Variants in FBXO4 observed in about 807,000 individuals in gnomAD.
FBXO4 encodes F-box only protein 4.
FBXO4 carries 36 observed loss-of-function variants against 43.7 expected under a neutral mutation model. The ratio of observed to expected loss-of-function variants is 0.82; its 90% CI spans 0.63 to 1.09. The LOEUF (loss-of-function observed/expected upper bound fraction) is 1.09. Among genes scored for constraint, FBXO4 ranks in the 50% least tolerant of loss-of-function variants. The pLI is 0.00. For missense variants in FBXO4, 435 were observed against 474.1 expected (o/e 0.92, Z 0.77); for synonymous variants, 180 against 165.6 (o/e 1.09, Z -0.67).
chr5:41,926,263 C>G (rs1331305153), intron 1 of FBXO4, among the ~76,000 whole-genome samples: 1 of 152,130 alleles, frequency 6.6e-6, no homozygotes, highest in African/African-American at 2.4e-5. Flanking sequence ...TTAATAGATT[C>G]TGTAGAGGAA....
chr5:41,979,656 G>T, the FBXO4 span, among the ~76,000 whole-genome samples: 3 of 152,184 alleles, frequency 2.0e-5, no homozygotes, highest in African/African-American at 7.2e-5. Context: ...GCAAGTTGGT[G>T]CCAGCATACC....
At chr5:41,979,291 T>C in the FBXO4 span, among the ~76,000 whole-genome samples, 1 of 152,222 alleles carries the variant, frequency 6.6e-6, no homozygotes. Flanking sequence ...AGAGGTCTTA[T>C]TGCTTCTCAT....
At chr5:41,939,657 C>T (rs1394250069) in intron 6 of FBXO4, 41 bp downstream of exon 6, 1 of 1,480,766 alleles carries the variant, frequency 6.8e-7, no homozygotes, top group South Asian at 1.3e-5. Context: ...TTTTATTTTG[C>T]ACTCTATTTT....
chr5:41,944,524 G>T (rs1347164530), downstream of FBXO4, among the ~76,000 whole-genome samples: 1 of 152,132 alleles, frequency 6.6e-6, no homozygotes, highest in African/African-American at 2.4e-5. Flanking sequence ...TTACCATCAT[G>T]ATGAATTACA....
chr5:41,943,723 C>G (rs2112592518), downstream of FBXO4, among the ~76,000 whole-genome samples: 1 of 152,266 alleles, frequency 6.6e-6, no homozygotes, highest in South Asian at 2.1e-4. Flanking sequence ...AGTTTGTGAA[C>G]TGCATGTGCA....
intron 5 of FBXO4, chr5:41,934,675 C>G (rs1009198790): frequency 9.2e-7 from 1 of 1,083,636 alleles, no homozygotes; most frequent in South Asian, 3.2e-5. Flanking sequence ...TTTTTTGATA[C>G]TGACATTTTG....
chr5:42,006,126 G>GA, the FBXO4 span, among the ~76,000 whole-genome samples: 1 of 152,214 alleles, frequency 6.6e-6, no homozygotes, highest in African/African-American at 2.4e-5. Flanking sequence ...AGCCTAAGCT[G>GA]AAAGCACTGC....
At chr5:41,997,617 C>T in the FBXO4 span, among the ~76,000 whole-genome samples, 1 of 152,136 alleles carries the variant, frequency 6.6e-6, no homozygotes, top group Non-Finnish European at 1.5e-5. Context: ...GTAAGTTGGA[C>T]CTGAGCTAAA....
chr5:41,958,794 T>C, the FBXO4 span, among the ~76,000 whole-genome samples: 9 of 152,340 alleles, frequency 5.9e-5, no homozygotes, highest in South Asian at 1.7e-3. Context: ...TAAATTCGTT[T>C]ATCTGTTGAT....
At chr5:41,954,146 C>T in the FBXO4 span, among the ~76,000 whole-genome samples, 1 of 151,962 alleles carries the variant, frequency 6.6e-6, no homozygotes, top group Non-Finnish European at 1.5e-5. Context: ...ATTTTCAGTT[C>T]CTACAATTTT....
chr5:42,039,296 G>A, the FBXO4 span, among the ~76,000 whole-genome samples: 12 of 152,028 alleles, frequency 7.9e-5, no homozygotes, highest in Admixed American at 6.6e-4. Flanking sequence ...CTGAAAGAGT[G>A]AGACTTCATG....
chr5:42,005,554 C>G, the FBXO4 span, among the ~76,000 whole-genome samples: 1 of 152,146 alleles, frequency 6.6e-6, no homozygotes, highest in African/African-American at 2.4e-5. Context: ...CATTCTGAGT[C>G]CTCCATCTGA....
chr5:41,965,181 A>T, the FBXO4 span, among the ~76,000 whole-genome samples: 1 of 152,286 alleles, frequency 6.6e-6, no homozygotes, highest in South Asian at 2.1e-4. Context: ...TTTGTCAAAG[A>T]TCAGATGGTT....
At chr5:42,022,487 G>C in the FBXO4 span, among the ~76,000 whole-genome samples, 1 of 152,032 alleles carries the variant, frequency 6.6e-6, no homozygotes, top group South Asian at 2.1e-4. Context: ...GTTACACTGA[G>C]TTTATTCTGA....
the FBXO4 span, among the ~76,000 whole-genome samples, chr5:41,949,958 A>T: frequency 1.3e-5 from 2 of 152,200 alleles, no homozygotes; most frequent in African/African-American, 2.4e-5. Context: ...AAAACAAGCA[A>T]TAGGGAAAGG....
intron 3 of FBXO4, among the ~76,000 whole-genome samples, chr5:41,931,823 A>G (rs911801645): frequency 1.3e-5 from 2 of 152,216 alleles, no homozygotes; most frequent in Non-Finnish European, 2.9e-5. Context: ...TGACTATTAA[A>G]TGGAGATTCA....
chr5:41,937,508 CCAGACCTGTATAT>C (rs1401468509), intron 5 of FBXO4, among the ~76,000 whole-genome samples: 42 of 152,224 alleles, frequency 2.8e-4, no homozygotes, highest in African/African-American at 9.4e-4. Context: ...ACAGAATACC[CCAGACCTGTATAT>C]CAGTCCATTT....
intron 3 of FBXO4, among the ~76,000 whole-genome samples, chr5:41,931,756 G>A (rs1751693876): frequency 6.6e-6 from 1 of 152,188 alleles, no homozygotes; most frequent in Non-Finnish European, 1.5e-5. Flanking sequence ...AGTTTTTGAG[G>A]ATGGAGAGGA....
chr5:41,938,095 A>G (rs745347815), intron 5 of FBXO4, among the ~76,000 whole-genome samples: 1 of 152,188 alleles, frequency 6.6e-6, no homozygotes, highest in Non-Finnish European at 1.5e-5. Context: ...GAAAAAGATG[A>G]AGACTCCTGG....
Sources: allele counts gnomAD v4.1 joint callset (sites outside exome capture counted in the v4.1 genomes callset), GRCh38; gene constraint gnomAD v4.1.1; transcripts MANE v1.5; gene names NCBI Gene and HGNC (gene_info 2026-07-23, HGNC 2026-07-21).